IDE: variants seen among roughly 807,000 people sequenced by gnomAD.
The protein encoded by IDE is insulin-degrading enzyme.
IDE carries 58 observed loss-of-function variants against 133.2 expected under a neutral mutation model. That is an observed-to-expected ratio of 0.44 (90% confidence interval 0.35 to 0.54). The LOEUF (loss-of-function observed/expected upper bound fraction) is 0.54. IDE is among the 20% of genes least tolerant of loss of function. IDE has a pLI of 0.00. For synonymous variants in IDE, 396 were observed against 421.3 expected, an observed-to-expected ratio of 0.94 and a Z score of 0.73; for missense variants, 981 against 1,234.0, an observed-to-expected ratio of 0.79 and a Z score of 3.07.
At chr10:92,496,228 A>T (rs1390751871) in intron 11 of IDE, among the ~76,000 whole-genome samples, 2 of 152,222 alleles carry the variant, frequency 1.3e-5, no homozygotes, top group African/African-American at 4.8e-5. Flanking sequence ...CTTAAAGTTT[A>T]GAAAATTCAG....
At chr10:92,518,224 C>T (rs1160930292) in intron 4 of IDE, among the ~76,000 whole-genome samples, 1 of 152,106 alleles carries the variant, frequency 6.6e-6, no homozygotes, top group Non-Finnish European at 1.5e-5. Context: ...GTGCTTTACA[C>T]TGCCATCTCG....
chr10:92,543,055 C>A (rs1589513372), intron 1 of IDE, among the ~76,000 whole-genome samples: 3 of 152,356 alleles, frequency 2.0e-5, no homozygotes, highest in African/African-American at 7.2e-5. Flanking sequence ...ATTGGTCTCT[C>A]ACAAATTTAA....
chr10:92,471,099 T>C (rs767192531), intron 17 of IDE, among the ~76,000 whole-genome samples: 5 of 152,350 alleles, frequency 3.3e-5, no homozygotes, highest in Admixed American at 6.5e-5. Context: ...TTCTTTAAAT[T>C]TGACCCACTA....
rs750462880 is a variant in IDE at position 92,483,266 on chromosome 10, A to T, written c.1728T>A (p.Phe576Leu). The T allele has an allele frequency of 1.3e-6, 2 of 1,586,216 alleles. No homozygotes were observed. Among genetic ancestry groups the T allele is most frequent in the South Asian group, 2.2e-5 (2 of 90,488 alleles). ...KFFLPKACLN[F>L]EFFSPFAYVD... Reference sequence around the variant, plus strand: ...TTCATCTTACATACCTGAAAAATTCAAAGTTGAGACAAGCCTTCGGCAAAA... The same window carrying T: ...TTCATCTTACATACCTGAAAAATTCTAAGTTGAGACAAGCCTTCGGCAAAA... Residue 576 changes from phenylalanine (F) to leucine (L), a missense_variant, in exon 14 of 25, where the codon TTT becomes TTA. Around this residue, in one of 2 missense-constraint regions of IDE, gnomAD observed 660 missense variants for 894.7 expected, o/e 0.74. Transcript: ENST00000265986.
intron 1 of IDE, among the ~76,000 whole-genome samples, chr10:92,565,526 C>G (rs562979898): frequency 3.9e-5 from 6 of 152,266 alleles, no homozygotes; most frequent in Admixed American, 6.5e-5. Flanking sequence ...CCGATATCAT[C>G]TTCCACCTCT....
chr10:92,462,211 G>C (rs1203650237), intron 21 of IDE, among the ~76,000 whole-genome samples: 6 of 151,420 alleles, frequency 4.0e-5, no homozygotes, highest in African/African-American at 1.2e-4. Context: ...AGCTACTCGG[G>C]AGAGGCTGAG....
intron 4 of IDE, among the ~76,000 whole-genome samples, chr10:92,522,855 A>C (rs547817976): frequency 6.6e-6 from 1 of 152,308 alleles, no homozygotes; most frequent in African/African-American, 2.4e-5. Flanking sequence ...TTAGCATAGC[A>C]CTCAATAAAA....
chr10:92,543,210 A>T (rs940875221), intron 1 of IDE, among the ~76,000 whole-genome samples: 6 of 152,196 alleles, frequency 3.9e-5, no homozygotes, highest in Non-Finnish European at 8.8e-5. Context: ...GGCCTATAGC[A>T]CTCATGCATG....
At chr10:92,568,367 G>C (rs1843647094) in intron 1 of IDE, among the ~76,000 whole-genome samples, 1 of 152,058 alleles carries the variant, frequency 6.6e-6, no homozygotes, top group African/African-American at 2.4e-5. Flanking sequence ...GATGTTAAAT[G>C]AAAGTTAAAT....
chr10:92,467,819 G>A (rs1845771566), intron 19 of IDE, among the ~76,000 whole-genome samples: 1 of 152,216 alleles, frequency 6.6e-6, no homozygotes, highest in Admixed American at 6.5e-5. Flanking sequence ...GTGATGACTG[G>A]TCATGCACAA....
intron 11 of IDE, among the ~76,000 whole-genome samples, chr10:92,500,560 GA>G (rs1847951885): frequency 6.6e-6 from 1 of 152,154 alleles, no homozygotes; most frequent in South Asian, 2.1e-4. Context: ...AAGGCAGAGA[GA>G]AAAGGGAAGT....
chr10:92,537,996 C>G (rs1050971624), intron 1 of IDE, among the ~76,000 whole-genome samples: 1 of 152,002 alleles, frequency 6.6e-6, no homozygotes, highest in East Asian at 1.9e-4. Flanking sequence ...CTCAGTCCCC[C>G]CAAGCAGCTG....
At chr10:92,517,913 C>CTGAT (rs1472291633) in intron 4 of IDE, among the ~76,000 whole-genome samples, 9 of 152,080 alleles carry the variant, frequency 5.9e-5, no homozygotes, top group African/African-American at 2.2e-4. Context: ...GAGACTCTGT[C>CTGAT]TGATTGATTG....
intron 21 of IDE, 43 bp from the exon 22 acceptor site, chr10:92,461,295 G>C (rs372503165): frequency 1.1e-5 from 11 of 957,892 alleles, no homozygotes; most frequent in Non-Finnish European, 1.7e-5. Flanking sequence ...ATTTTCATAT[G>C]AAGCAGCCCA....
At chr10:92,476,324 C>G (rs1291489583) in intron 15 of IDE, among the ~76,000 whole-genome samples, 1 of 151,930 alleles carries the variant, frequency 6.6e-6, no homozygotes, top group Non-Finnish European at 1.5e-5. Flanking sequence ...CAGACGTGCC[C>G]CACTACGCCT....
At chr10:92,541,046 T>G (rs975461863) in intron 1 of IDE, among the ~76,000 whole-genome samples, 1 of 152,150 alleles carries the variant, frequency 6.6e-6, no homozygotes, top group Non-Finnish European at 1.5e-5. Flanking sequence ...AATAAAGAGA[T>G]AGATTTATTC....
intron 12 of IDE, among the ~76,000 whole-genome samples, chr10:92,487,690 C>T (rs1204625950): frequency 1.3e-5 from 2 of 152,182 alleles, no homozygotes; most frequent in African/African-American, 4.8e-5. Context: ...CCCACAACTG[C>T]TAGACAATAG....
intron 17 of IDE, among the ~76,000 whole-genome samples, chr10:92,471,723 ATTTATT>A (rs940730560): frequency 3.3e-5 from 5 of 151,960 alleles, no homozygotes; most frequent in African/African-American, 4.8e-5. Context: ...ATTTTTATTT[ATTTATT>A]TTTGAGACAG....
At chr10:92,570,916 G>C (rs752833951) in intron 1 of IDE, among the ~76,000 whole-genome samples, 2 of 150,952 alleles carry the variant, frequency 1.3e-5, no homozygotes, top group Non-Finnish European at 3.0e-5. Context: ...ACCCTGTCTC[G>C]AACTTTAAAA....
Sources: allele counts gnomAD v4.1 joint callset (sites outside exome capture counted in the v4.1 genomes callset), GRCh38; gene constraint gnomAD v4.1.1; regional missense constraint gnomAD v4.1.1; transcripts MANE v1.5; gene names NCBI Gene and HGNC (gene_info 2026-07-23, HGNC 2026-07-21).